The following DLGAP1 variants were observed in gnomAD, a reference collection of about 807,000 sequenced individuals.
DLGAP1 encodes the protein disks large-associated protein 1.
A neutral mutation model predicts 90.8 loss-of-function variants in DLGAP1; 11 were observed. That is an observed-to-expected ratio of 0.12 (90% confidence interval 0.08 to 0.20). The LOEUF (loss-of-function observed/expected upper bound fraction) is 0.20, where lower values mean the gene tolerates loss of function less well. Among genes scored for constraint, DLGAP1 ranks in the 10% least tolerant of loss-of-function variants. DLGAP1 has a pLI of 1.00. For synonymous variants in DLGAP1, 558 were observed against 540.7 expected, an observed-to-expected ratio of 1.03 and a Z score of -0.44; for missense variants, 1,050 against 1,333.8, an observed-to-expected ratio of 0.79 and a Z score of 3.31.
rs1293972286 is a variant in DLGAP1 at position 3,545,452 on chromosome 18, A to G, written c.2058-10837T>C. Reference sequence around the variant, plus strand: ...AACCCAAACATATCAACAGTCAGTCACATTAAATGTAAATGGTCTAATCAC... The same window carrying G: ...AACCCAAACATATCAACAGTCAGTCGCATTAAATGTAAATGGTCTAATCAC... On this transcript the variant is annotated intron_variant, in intron 9 of 12. Coordinates refer to ENST00000315677, the MANE Select transcript of DLGAP1 (RefSeq NM_004746.4). Among the ~76,000 whole-genome samples, 4 of 152,234 alleles carry G rather than the reference A, an allele frequency of 2.6e-5. No homozygotes were observed. In the East Asian group the frequency reaches 7.7e-4, roughly 29 times the overall value.
At chr18:3,680,646 G>A (rs1467902413) in intron 7 of DLGAP1, among the ~76,000 whole-genome samples, 1 of 152,036 alleles carries the variant, frequency 6.6e-6, no homozygotes, top group Non-Finnish European at 1.5e-5. Flanking sequence ...AAAATTAGCT[G>A]GGCGTGATGG....
intron 2 of DLGAP1, among the ~76,000 whole-genome samples, chr18:4,086,156 T>A (rs1013643611): frequency 1.3e-5 from 2 of 152,098 alleles, no homozygotes; most frequent in African/African-American, 4.8e-5. Flanking sequence ...AGGATAAGCA[T>A]GTGGTAGGAC....
At position 3,648,255 on chromosome 18, in the gene DLGAP1, T is replaced by G. The variant is rs2059187175; in HGVS notation, c.1592-66007A>C. On this transcript the variant is annotated intron_variant, in intron 7 of 12. Coordinates refer to ENST00000315677, the MANE Select transcript of DLGAP1 (RefSeq NM_004746.4). ...CTAGAAAAATCCTTTGGCCTTCTTC[T>G]CAGTGAAACCAAACAAAACCCATAA... Among the ~76,000 whole-genome samples, 2 of 152,224 alleles carry G rather than the reference T, an allele frequency of 1.3e-5. 1 individual carries two copies. Among genetic ancestry groups the G allele is most frequent in the South Asian group, 4.1e-4 (2 of 4,836 alleles).
intron 4 of DLGAP1, among the ~76,000 whole-genome samples, chr18:3,861,178 C>T (rs1245980874): frequency 6.6e-6 from 1 of 152,088 alleles, no homozygotes; most frequent in Non-Finnish European, 1.5e-5. Context: ...AACTCCTTTA[C>T]AAAAAATCCT....
chr18:3,756,347 C>A (rs1310877617), intron 5 of DLGAP1, among the ~76,000 whole-genome samples: 1 of 151,954 alleles, frequency 6.6e-6, no homozygotes, highest in Non-Finnish European at 1.5e-5. Flanking sequence ...CCACGCCTGG[C>A]CTACACCACA....
intron 1 of DLGAP1, among the ~76,000 whole-genome samples, chr18:4,230,530 C>A (rs1454540944): frequency 1.3e-5 from 2 of 151,652 alleles, no homozygotes; most frequent in Admixed American, 1.3e-4. Flanking sequence ...TATCCTGGCA[C>A]AAAAAGACAA....
intron 2 of DLGAP1, among the ~76,000 whole-genome samples, chr18:4,092,467 T>C (rs985820716): frequency 1.3e-5 from 2 of 152,256 alleles, no homozygotes; most frequent in African/African-American, 4.8e-5. Context: ...CCATGAGAGA[T>C]GGTTTCTCGT....
chr18:3,850,836 T>C (rs892751783), intron 4 of DLGAP1, among the ~76,000 whole-genome samples: 1 of 152,124 alleles, frequency 6.6e-6, no homozygotes, highest in Non-Finnish European at 1.5e-5. Context: ...AAGATTAACT[T>C]GGTTGATAGG....
chr18:3,905,005 A>G (rs1435408928), intron 3 of DLGAP1, among the ~76,000 whole-genome samples: 1 of 151,678 alleles, frequency 6.6e-6, no homozygotes, highest in African/African-American at 2.4e-5. Context: ...TTATTATTTT[A>G]ATATCTATTC....
intron 6 of DLGAP1, among the ~76,000 whole-genome samples, chr18:3,737,301 T>G (rs1440791449): frequency 4.6e-5 from 7 of 152,186 alleles, no homozygotes; most frequent in African/African-American, 9.7e-5. Flanking sequence ...TACCAAAGCC[T>G]GGCAGAGAGA....
intron 7 of DLGAP1, among the ~76,000 whole-genome samples, chr18:3,627,328 C>G (rs2058332547): frequency 6.6e-6 from 1 of 151,876 alleles, no homozygotes; most frequent in Non-Finnish European, 1.5e-5. Context: ...AGTTTATAGG[C>G]TTCTGAGCTC....
intron 10 of DLGAP1, among the ~76,000 whole-genome samples, chr18:3,509,570 G>C (rs2050425245): frequency 1.3e-5 from 2 of 152,128 alleles, no homozygotes; most frequent in African/African-American, 4.8e-5. Context: ...TCTCATGGTC[G>C]GGAAGGAATC....
At chr18:4,090,565 A>C (rs1354526869) in intron 2 of DLGAP1, among the ~76,000 whole-genome samples, 1 of 152,224 alleles carries the variant, frequency 6.6e-6, no homozygotes. Context: ...TGCCAGTTAG[A>C]ATGGCAATTA....
intron 1 of DLGAP1, among the ~76,000 whole-genome samples, chr18:4,436,088 A>T (rs1450949743): frequency 2.0e-5 from 3 of 152,226 alleles, no homozygotes; most frequent in Non-Finnish European, 4.4e-5. Context: ...ACAGTTTCAA[A>T]GGTAGGGAAG....
rs1243138106 is a variant in DLGAP1 at position 4,455,211 on chromosome 18, C to A, written c.-472G>T. On this transcript the variant is annotated 5_prime_UTR_variant, in exon 1 of 13. Coordinates refer to ENST00000315677, the MANE Select transcript of DLGAP1 (RefSeq NM_004746.4). The stretch of plus-strand genomic sequence containing the variant: ...CCGAGGCGGAAGGTGTCCGCGAGGC[C>A]GTGTCCTGGAGATTGCGGCGCCCGA... 1 of 151,546 alleles carries A rather than the reference C, an allele frequency of 6.6e-6. No individual in the cohort carries two copies. Among genetic ancestry groups the A allele is most frequent in the Non-Finnish European group, 1.5e-5 (1 of 67,914 alleles). 9.4% of individuals were successfully genotyped at this position (151,546 alleles called of 1,614,324 possible).
chr18:3,556,444 C>A (rs369412891), intron 9 of DLGAP1, among the ~76,000 whole-genome samples: 1 of 152,230 alleles, frequency 6.6e-6, no homozygotes, highest in African/African-American at 2.4e-5. Context: ...TAACCCCTGG[C>A]AACTAGTCAT....
At chr18:3,821,248 C>T (rs1311918943) in intron 4 of DLGAP1, among the ~76,000 whole-genome samples, 1 of 141,474 alleles carries the variant, frequency 7.1e-6, no homozygotes, top group Non-Finnish European at 1.5e-5. Flanking sequence ...TATGATGGTG[C>T]CACCACTCTC....
intron 4 of DLGAP1, among the ~76,000 whole-genome samples, chr18:3,870,632 CTA>C (rs897025655): frequency 6.6e-6 from 1 of 151,940 alleles, no homozygotes. Context: ...ATCTATCTAT[CTA>C]TCTATCTATC....
chr18:4,068,081 CCTT>C (rs1288379864), intron 2 of DLGAP1, among the ~76,000 whole-genome samples: 1 of 152,002 alleles, frequency 6.6e-6, no homozygotes, highest in Non-Finnish European at 1.5e-5. Flanking sequence ...AGCACACCCT[CCTT>C]CTCATTTAGA....
Sources: gnomAD v4.1 joint callset for allele counts (sites outside exome capture counted in the v4.1 genomes callset) on GRCh38, gnomAD v4.1.1 for gene constraint, MANE v1.5 for transcripts, NCBI Gene and HGNC (gene_info 2026-07-23, HGNC 2026-07-21) for gene names.